FKBP5: variants seen among roughly 807,000 people sequenced by gnomAD.
The protein encoded by FKBP5 is peptidyl-prolyl cis-trans isomerase FKBP5.
Under a neutral mutation model 50.5 loss-of-function variants are expected in FKBP5, and 23 were observed. The observed-to-expected ratio is 0.46, with a 90% CI of 0.33 to 0.65. FKBP5 has a LOEUF of 0.65. Ranked by LOEUF, FKBP5 falls within the 30% of genes least tolerant of loss-of-function variation. The probability of loss-of-function intolerance (pLI) is 0.02; values close to 1 mark genes in which losing one functional copy is unlikely to be tolerated. For missense variants in FKBP5, 411 were observed against 553.1 expected (o/e 0.74, Z 2.58); for synonymous variants, 176 against 190.6 (o/e 0.92, Z 0.63).
At chr6:35,657,457 C>T (rs1218329330) in intron 1 of FKBP5, among the ~76,000 whole-genome samples, 1 of 152,124 alleles carries the variant, frequency 6.6e-6, no homozygotes, top group African/African-American at 2.4e-5. Flanking sequence ...CATCTTCAGC[C>T]GGGAATACTG....
chr6:35,580,414 CAGTGCCTG>C (rs1403741050), intron 8 of FKBP5, 193 bp from the exon 9 acceptor site: 1 of 555,614 alleles, frequency 1.8e-6, no homozygotes, highest in African/African-American at 1.9e-5. Context: ...TGGTTTGGGG[CAGTGCCTG>C]AGCACTGCCT....
chr6:35,581,680 G>C, intron 8 of FKBP5: 3 of 985,418 alleles, frequency 3.0e-6, no homozygotes, highest in Non-Finnish European at 3.6e-6. Flanking sequence ...AAAGCACTGG[G>C]GAATCGCTGG....
intron 1 of FKBP5, among the ~76,000 whole-genome samples, chr6:35,649,306 T>C (rs1417752498): frequency 2.0e-5 from 3 of 151,922 alleles, no homozygotes; most frequent in Non-Finnish European, 2.9e-5. Context: ...TACATATTCT[T>C]ATCGGATTGC....
Position 35,577,147 on chromosome 6 carries a change from C to T in FKBP5, c.1113G>A (p.Lys371=). The change falls in exon 10 of 11, where the codon AAG becomes AAA. Residue 371 remains lysine, a synonymous_variant. Transcript: ENST00000357266. Reference sequence around the variant, plus strand: ...CTTCCAGCACTTTCTCAAAGTCACCCTTGGCTGACTCAAACTCGTTCATGA... The same window carrying T: ...CTTCCAGCACTTTCTCAAAGTCACCTTTGGCTGACTCAAACTCGTTCATGA... The part of the protein sequence containing the change: ...QLLMNEFESA[K]GDFEKVLEVN... 6.2e-7 allele frequency: 1 copy of T among 1,614,130 alleles called. No individual in the cohort carries two copies. The highest frequency in any genetic ancestry group is 8.5e-7 in the Non-Finnish European group (1 of 1,179,978).
At chr6:35,668,105 A>G (rs186252844) in intron 1 of FKBP5, among the ~76,000 whole-genome samples, 257 of 152,388 alleles carry the variant, frequency 1.7e-3, no homozygotes, top group Admixed American at 2.5e-3. Context: ...GTGTAACACA[A>G]TAAGAAAGTA....
chr6:35,611,944 C>G (rs899504018), intron 5 of FKBP5, among the ~76,000 whole-genome samples: 4 of 152,032 alleles, frequency 2.6e-5, no homozygotes, highest in Non-Finnish European at 5.9e-5. Context: ...GTTATTCTTT[C>G]CCCGGAACCT....
At chr6:35,667,442 T>C (rs921667115) in intron 1 of FKBP5, among the ~76,000 whole-genome samples, 1 of 152,190 alleles carries the variant, frequency 6.6e-6, no homozygotes, top group Non-Finnish European at 1.5e-5. Context: ...AAGACAAATA[T>C]TAATTAATAG....
intron 5 of FKBP5, among the ~76,000 whole-genome samples, chr6:35,602,209 A>G (rs1170991363): frequency 6.6e-6 from 1 of 152,058 alleles, no homozygotes; most frequent in African/African-American, 2.4e-5. Flanking sequence ...AAATGCAAGA[A>G]CCCCTAAACC....
chr6:35,637,249 C>G, intron 2 of FKBP5, 91 bp from the exon 3 acceptor site: 1 of 1,113,696 alleles, frequency 9.0e-7, no homozygotes, highest in Non-Finnish European at 1.3e-6. Context: ...CCAAGACATC[C>G]AGGCAGATAT....
Position 35,665,860 on chromosome 6 carries a change from C to G in FKBP5, c.-20+22944G>C, listed in dbSNP as rs184741385. ...TCCAAGCACCCATACAACTATTCTG[C>G]TTTTTCACTTTCAGTTTTCAATAAA... On this transcript the variant is annotated intron_variant, in intron 1 of 10. Transcript: ENST00000357266. 1.9e-4 allele frequency among the ~76,000 whole-genome samples: 29 copies of G among 152,248 alleles called. No homozygotes were observed. The East Asian group carries it at 4.1e-3, about 21-fold the overall frequency.
chr6:35,598,078 G>A (rs1428756460), intron 5 of FKBP5, among the ~76,000 whole-genome samples: 1 of 152,140 alleles, frequency 6.6e-6, no homozygotes, highest in African/African-American at 2.4e-5. Context: ...AATATTAGGA[G>A]GTCAATTTTG....
At chr6:35,600,483 G>T (rs926173421) in intron 5 of FKBP5, among the ~76,000 whole-genome samples, 80 of 151,356 alleles carry the variant, frequency 5.3e-4, no homozygotes, top group African/African-American at 1.9e-3. Flanking sequence ...GTTCTAAAAA[G>T]TTTGCATTTC....
chr6:35,588,182 TGCCCGG>T (rs1471714303), intron 7 of FKBP5, among the ~76,000 whole-genome samples: 1 of 151,842 alleles, frequency 6.6e-6, no homozygotes, highest in Non-Finnish European at 1.5e-5. Flanking sequence ...TGCACCACCA[TGCCCGG>T]CTAATTTTTT....
In FKBP5 at chr6:35,632,079, T is replaced by C. The variant is rs561909391; in HGVS notation, c.250+4935A>G. ...GGGTAAAAGAACAGAACCCCTATTATAGAAGTATGTATGAAAATCCTTGTT... is the reference window on the plus strand; with the variant it reads ...GGGTAAAAGAACAGAACCCCTATTACAGAAGTATGTATGAAAATCCTTGTT... On this transcript the variant is annotated intron_variant, in intron 3 of 10. Transcript: ENST00000357266. Among the ~76,000 whole-genome samples the C allele has an allele frequency of 1.6e-4, 24 of 152,242 alleles. No individual in the cohort carries two copies. The East Asian group carries it at 4.2e-3, about 27-fold the overall frequency.
At chr6:35,585,577 T>C in intron 8 of FKBP5, 2 of 985,232 alleles carry the variant, frequency 2.0e-6, no homozygotes, top group Non-Finnish European at 2.4e-6. Context: ...GAGCTTATTC[T>C]ATCATACCCC....
intron 3 of FKBP5, among the ~76,000 whole-genome samples, chr6:35,634,169 T>C (rs917498691): frequency 6.6e-6 from 1 of 152,122 alleles, no homozygotes; most frequent in Non-Finnish European, 1.5e-5. Flanking sequence ...ATCTTAACTC[T>C]CAGCTTCTTT....
intron 1 of FKBP5, among the ~76,000 whole-genome samples, chr6:35,668,847 A>C (rs1425563240): frequency 6.6e-6 from 1 of 152,164 alleles, no homozygotes; most frequent in Non-Finnish European, 1.5e-5. Flanking sequence ...ATTCCTATCA[A>C]TCACATCCTG....
At chr6:35,663,210 CAG>C (rs1765119461) in intron 1 of FKBP5, among the ~76,000 whole-genome samples, 1 of 152,146 alleles carries the variant, frequency 6.6e-6, no homozygotes, top group Non-Finnish European at 1.5e-5. Context: ...GGGCTTCTCA[CAG>C]GGCAAACGGT....
intron 5 of FKBP5, among the ~76,000 whole-genome samples, chr6:35,608,723 A>G (rs765046936): frequency 1.3e-5 from 2 of 151,992 alleles, no homozygotes; most frequent in African/African-American, 4.8e-5. Flanking sequence ...ATCTTAGACA[A>G]TTTTGCCTTC....
Sources: allele counts gnomAD v4.1 joint callset (sites outside exome capture counted in the v4.1 genomes callset), GRCh38; gene constraint gnomAD v4.1.1; transcripts MANE v1.5; gene names NCBI Gene and HGNC (gene_info 2026-07-23, HGNC 2026-07-21).